DYNC2H1: variants seen among roughly 807,000 people sequenced by gnomAD.
DYNC2H1 encodes the protein dynein cytoplasmic 2 heavy chain 1.
Under a neutral mutation model 570.0 loss-of-function variants are expected in DYNC2H1, and 410 were observed. The observed-to-expected ratio is 0.72, with a 90% confidence interval of 0.66 to 0.78. DYNC2H1 has a LOEUF of 0.78. Among genes scored for constraint, DYNC2H1 ranks in the 30% least tolerant of loss-of-function variants. DYNC2H1 has a pLI of 0.00. For missense variants in DYNC2H1, 4,865 were observed against 5,046.4 expected, an observed-to-expected ratio of 0.96 and a Z score of 1.09; for synonymous variants, 1,688 against 1,677.6, an observed-to-expected ratio of 1.01 and a Z score of -0.15.
At position 103,261,574 on chromosome 11, in the gene DYNC2H1, C is replaced by A. The variant is rs1865287105; in HGVS notation, c.10695+1597C>A. On this transcript the variant is annotated intron_variant, in intron 70 of 88. Coordinates refer to ENST00000375735, the MANE Select transcript of DYNC2H1 (RefSeq NM_001377.3). The surrounding 1 kb of genome is among the most constrained non-coding windows in gnomAD (Gnocchi z 4.8). ...GCAAACAGGGTCAGGAGTGGACCTC[C>A]TGCAAAGTCCAGCAGACCTGCAGCA... Among the ~76,000 whole-genome samples the A allele has an allele frequency of 6.6e-6, 1 of 152,138 alleles. No individual in the cohort carries two copies. The highest frequency in any genetic ancestry group is 2.1e-4 in the South Asian group (1 of 4,824).
chr11:103,173,965 C>A, intron 35 of DYNC2H1, 90 bp from the exon 36 acceptor site: 1 of 818,224 alleles, frequency 1.2e-6, no homozygotes, highest in Non-Finnish European at 1.9e-6. Flanking sequence ...TTCTATGTGT[C>A]AGTGTTATAT....
Position 103,241,499 on chromosome 11 carries a change from C to A in DYNC2H1, c.9820-2194C>A. Reference sequence around the variant, plus strand: ...TGCTAAAAACATTTTGAAATGTTACCTTTCTTCTTTTCATTTAACTGCATC... The same window carrying A: ...TGCTAAAAACATTTTGAAATGTTACATTTCTTCTTTTCATTTAACTGCATC... On this transcript the variant is annotated intron_variant, in intron 63 of 88. Coordinates refer to ENST00000375735, the MANE Select transcript of DYNC2H1 (RefSeq NM_001377.3). This position sits in a 1 kb window ranked among gnomAD's most constrained non-coding sequence, Gnocchi z 5.1. 6.3e-7 allele frequency: 1 copy of A among 1,589,304 alleles called. No individual in the cohort carries two copies.
chr11:103,128,562 G>A (rs939173826), intron 12 of DYNC2H1, among the ~76,000 whole-genome samples: 2 of 152,228 alleles, frequency 1.3e-5, no homozygotes, highest in Non-Finnish European at 2.9e-5. Context: ...AAAAGAAGGA[G>A]CAGATTTGGA....
At chr11:103,424,584 A>G (rs1024103932) in intron 84 of DYNC2H1, among the ~76,000 whole-genome samples, 4 of 151,862 alleles carry the variant, frequency 2.6e-5, no homozygotes, top group Admixed American at 2.0e-4. Flanking sequence ...GAAATGATAA[A>G]TTTTTGTTAT....
At chr11:103,383,254 A>G (rs964278767) in intron 83 of DYNC2H1, among the ~76,000 whole-genome samples, 1 of 152,212 alleles carries the variant, frequency 6.6e-6, no homozygotes, top group Non-Finnish European at 1.5e-5. Context: ...ACGTTCTTGT[A>G]TAGAAATTCC....
At chr11:103,255,113 T>A (rs1309840095) in intron 66 of DYNC2H1, among the ~76,000 whole-genome samples, 1 of 152,166 alleles carries the variant, frequency 6.6e-6, no homozygotes, top group East Asian at 1.9e-4. Flanking sequence ...AAAAAAATAG[T>A]AATCTCATAA....
chr11:103,418,651 G>A (rs1218537956), intron 84 of DYNC2H1, among the ~76,000 whole-genome samples: 1 of 152,170 alleles, frequency 6.6e-6, no homozygotes, highest in Non-Finnish European at 1.5e-5. Context: ...CCATGTTCTC[G>A]CATTGGAAAT....
Position 103,369,743 on chromosome 11 carries a change from G to A in DYNC2H1, c.12156+11384G>A, listed in dbSNP as rs945963591. Among the ~76,000 whole-genome samples the A allele has an allele frequency of 6.6e-6, 1 of 152,142 alleles. No individual in the cohort carries two copies. The highest frequency in any genetic ancestry group is 1.5e-5 in the Non-Finnish European group (1 of 68,022). ...AAGCAACCTGCTGCCTTGAAGGGAA[G>A]TACCCAATCCTGGCAAGATTCATCA... On this transcript the variant is annotated intron_variant, in intron 83 of 88. Coordinates refer to ENST00000375735, the MANE Select transcript of DYNC2H1 (RefSeq NM_001377.3). This position sits in a 1 kb window ranked among gnomAD's most constrained non-coding sequence, Gnocchi z 4.0.
At chr11:103,112,672 G>A (rs957739013) in intron 1 of DYNC2H1, among the ~76,000 whole-genome samples, 1 of 152,162 alleles carries the variant, frequency 6.6e-6, no homozygotes, top group African/African-American at 2.4e-5. Flanking sequence ...GGCCAAAAAT[G>A]TAATTATTTG....
chr11:103,227,274 A>T (rs921725360), intron 59 of DYNC2H1, among the ~76,000 whole-genome samples: 1 of 149,752 alleles, frequency 6.7e-6, no homozygotes, highest in African/African-American at 2.5e-5. Flanking sequence ...GTGACCTTAG[A>T]TTGTCTATTT....
intron 83 of DYNC2H1, among the ~76,000 whole-genome samples, chr11:103,361,610 G>A (rs1169230074): frequency 6.6e-6 from 1 of 152,138 alleles, no homozygotes; most frequent in Non-Finnish European, 1.5e-5. Context: ...AGAAGATGGT[G>A]AGAAAGTAAG....
At position 103,254,383 on chromosome 11, in the gene DYNC2H1, A is replaced by G. The variant is rs1166814058; in HGVS notation, c.10206+935A>G. Among the ~76,000 whole-genome samples, 3 of 152,200 alleles carry G rather than the reference A, an allele frequency of 2.0e-5. No individual in the cohort carries two copies. The highest frequency in any genetic ancestry group is 4.4e-5 in the Non-Finnish European group (3 of 68,024). The stretch of plus-strand genomic sequence containing the variant: ...GCTTATACAGCAGATTTTGAATTAC[A>G]TATTTTATACCAATGTCTTTCTCTA... On this transcript the variant is annotated intron_variant, in intron 66 of 88. Transcript: ENST00000375735. The surrounding 1 kb of genome is among the most constrained non-coding windows in gnomAD (Gnocchi z 4.9).
chr11:103,385,712 T>C (rs1321626400), intron 83 of DYNC2H1, among the ~76,000 whole-genome samples: 1 of 152,238 alleles, frequency 6.6e-6, no homozygotes. Context: ...CTAGGTCATC[T>C]GGCTCCTGGA....
chr11:103,343,834 C>A (rs1375669129), intron 82 of DYNC2H1, among the ~76,000 whole-genome samples: 1 of 152,206 alleles, frequency 6.6e-6, no homozygotes, highest in East Asian at 1.9e-4. Flanking sequence ...ACAAATCTCC[C>A]CAAAAAGTGC....
At chr11:103,375,730 C>A (rs550354007) in intron 83 of DYNC2H1, among the ~76,000 whole-genome samples, 1 of 152,244 alleles carries the variant, frequency 6.6e-6, no homozygotes, top group East Asian at 1.9e-4. Flanking sequence ...AGTGTCTGTA[C>A]CCCCATTGTA....
At chr11:103,187,294 G>A in intron 42 of DYNC2H1, 46 bp from the exon 43 acceptor site, 1 of 1,606,518 alleles carries the variant, frequency 6.2e-7, no homozygotes, top group Non-Finnish European at 8.5e-7. Context: ...AATGTATTTT[G>A]TTGGTTGCAT....
At chr11:103,382,768 T>A (rs1941708373) in intron 83 of DYNC2H1, among the ~76,000 whole-genome samples, 1 of 152,214 alleles carries the variant, frequency 6.6e-6, no homozygotes, top group Admixed American at 6.5e-5. Flanking sequence ...TCTATGCCTC[T>A]CCTCCTAAAC....
chr11:103,430,929 A>T (rs1278491823), intron 84 of DYNC2H1, among the ~76,000 whole-genome samples: 1 of 152,146 alleles, frequency 6.6e-6, no homozygotes, highest in Non-Finnish European at 1.5e-5. Flanking sequence ...GTCCATAGCC[A>T]TCTCTTTTAT....
chr11:103,374,898 G>T (rs989466328), intron 83 of DYNC2H1, among the ~76,000 whole-genome samples: 1 of 152,190 alleles, frequency 6.6e-6, no homozygotes, highest in African/African-American at 2.4e-5. Flanking sequence ...ATAGAAATTT[G>T]TATAATGAAG....
Sources: gnomAD v4.1 joint callset for allele counts (sites outside exome capture counted in the v4.1 genomes callset) on GRCh38, gnomAD v4.1.1 for gene constraint, Gnocchi (gnomAD v3.1) non-coding constraint, MANE v1.5 for transcripts, NCBI Gene and HGNC (gene_info 2026-07-23, HGNC 2026-07-21) for gene names.